PATJ: variants seen among roughly 807,000 people sequenced by gnomAD.
PATJ encodes the protein inaD-like protein.
PATJ carries 190 observed loss-of-function variants against 224.9 expected under a neutral mutation model. The observed-to-expected ratio is 0.84, with a 90% CI of 0.75 to 0.95. The LOEUF (loss-of-function observed/expected upper bound fraction) is 0.95. Among genes scored for constraint, PATJ ranks in the 40% least tolerant of loss-of-function variants. The pLI is 0.00. For missense variants in PATJ, 2,121 were observed against 2,270.3 expected, an observed-to-expected ratio of 0.93 and a Z score of 1.34; for synonymous variants, 769 against 820.3, an observed-to-expected ratio of 0.94 and a Z score of 1.07.
intron 27 of PATJ, among the ~76,000 whole-genome samples, chr1:61,966,558 C>T (rs553716250): frequency 1.2e-4 from 18 of 151,984 alleles, no homozygotes; most frequent in African/African-American, 4.3e-4. Context: ...TGGTGGTGGG[C>T]CCCTGTAACC....
intron 11 of PATJ, among the ~76,000 whole-genome samples, chr1:61,801,158 G>A (rs1240031734): frequency 2.6e-5 from 4 of 152,142 alleles, no homozygotes; most frequent in Middle Eastern, 3.2e-3. Context: ...TCGCCATACT[G>A]TCTTCCACTG....
At chr1:61,759,207 A>AT (rs1245041178) in intron 1 of PATJ, among the ~76,000 whole-genome samples, 3 of 151,706 alleles carry the variant, frequency 2.0e-5, no homozygotes, top group Non-Finnish European at 2.9e-5. Context: ...TTTTTTTGCA[A>AT]TTTTTTTTAA....
intron 31 of PATJ, among the ~76,000 whole-genome samples, chr1:62,059,031 G>A (rs905276750): frequency 3.9e-5 from 6 of 152,066 alleles, no homozygotes; most frequent in Non-Finnish European, 7.4e-5. Context: ...TATGTACTCC[G>A]AGTTTATCTC....
chr1:61,818,230 A>G lies in PATJ; in HGVS notation c.1684-4715A>G, dbSNP rs369037103. ...TTTTGCACTGACAGTAAAGCACACA[A>G]TGGCCATGCTTCCCTTGAATACATT... On this transcript the variant is annotated intron_variant, in intron 14 of 43. Transcript: ENST00000642238. Among the ~76,000 whole-genome samples the G allele has an allele frequency of 7.5e-4, 114 of 152,350 alleles. 1 individual carries two copies. In the Middle Eastern group the frequency reaches 0.01, roughly 14 times the overall value.
At chr1:61,998,205 G>A (rs1160135524) in intron 28 of PATJ, among the ~76,000 whole-genome samples, 2 of 150,444 alleles carry the variant, frequency 1.3e-5, no homozygotes, top group Non-Finnish European at 2.9e-5. Flanking sequence ...TCAGCCTCTC[G>A]ATGAACTGAG....
intron 16 of PATJ, 139 bp downstream of exon 16, chr1:61,827,722 C>A: frequency 1.6e-6 from 1 of 630,200 alleles, no homozygotes; most frequent in Non-Finnish European, 2.5e-6. Flanking sequence ...CAATGCATAG[C>A]TTTTCAAATT....
chr1:61,946,957 A>G (rs1678823367), intron 27 of PATJ, among the ~76,000 whole-genome samples: 1 of 152,228 alleles, frequency 6.6e-6, no homozygotes, highest in African/African-American at 2.4e-5. Flanking sequence ...ACAGAACCAA[A>G]GACAAAAACC....
At chr1:62,092,570 C>T (rs1304642488) in intron 33 of PATJ, among the ~76,000 whole-genome samples, 1 of 151,120 alleles carries the variant, frequency 6.6e-6, no homozygotes, top group Non-Finnish European at 1.5e-5. Context: ...CACCCACCAC[C>T]ACACCCAGCT....
At chr1:61,823,144 A>G in intron 15 of PATJ, 65 bp downstream of exon 15, 3 of 1,531,302 alleles carry the variant, frequency 2.0e-6, no homozygotes, top group Non-Finnish European at 2.7e-6. Context: ...ACGTGTTCTC[A>G]TCACAAATCC....
At chr1:61,932,924 G>A (rs1053182040) in intron 27 of PATJ, among the ~76,000 whole-genome samples, 1 of 152,054 alleles carries the variant, frequency 6.6e-6, no homozygotes, top group African/African-American at 2.4e-5. Context: ...AATAAGCATA[G>A]TAATTATTGT....
chr1:61,790,256 C>T (rs911348414), intron 8 of PATJ, among the ~76,000 whole-genome samples: 5 of 149,032 alleles, frequency 3.4e-5, no homozygotes, highest in East Asian at 1.9e-4. Flanking sequence ...AGTTTTAGGT[C>T]GATATTTTTA....
At chr1:61,833,831 G>C (rs1227882454) in intron 17 of PATJ, 46 bp downstream of exon 17, 1 of 1,555,888 alleles carries the variant, frequency 6.4e-7, no homozygotes, top group Non-Finnish European at 8.7e-7. Flanking sequence ...TGATTGGTTT[G>C]TATTAAAGTT....
chr1:61,826,786 G>A (rs1008610157), intron 15 of PATJ, among the ~76,000 whole-genome samples: 1 of 152,212 alleles, frequency 6.6e-6, no homozygotes, highest in African/African-American at 2.4e-5. Context: ...CTTGATTGCT[G>A]TATCAGCAGA....
At chr1:61,808,058 T>TC (rs1653947399) in intron 13 of PATJ, among the ~76,000 whole-genome samples, 1 of 152,188 alleles carries the variant, frequency 6.6e-6, no homozygotes, top group Non-Finnish European at 1.5e-5. Context: ...TCCAAACACA[T>TC]CTGACTTTAC....
intron 34 of PATJ, among the ~76,000 whole-genome samples, chr1:62,110,462 G>A (rs969943259): frequency 2.0e-5 from 3 of 152,144 alleles, no homozygotes; most frequent in Non-Finnish European, 2.9e-5. Flanking sequence ...TCCGCATTCC[G>A]CAAATTGGCC....
At chr1:62,074,027 G>A (rs2148702042) in intron 31 of PATJ, among the ~76,000 whole-genome samples, 1 of 151,852 alleles carries the variant, frequency 6.6e-6, no homozygotes, top group East Asian at 1.9e-4. Flanking sequence ...TTTCATATCT[G>A]TGTACTAATC....
intron 13 of PATJ, 53 bp downstream of exon 13, chr1:61,805,577 T>G: frequency 9.2e-7 from 1 of 1,089,024 alleles, no homozygotes; most frequent in Non-Finnish European, 1.4e-6. Flanking sequence ...CACATCAAGT[T>G]TCTAACAGTA....
rs1469034385 is a variant in PATJ, at chr1:62,161,786, T to C, written c.*732T>C. 6.6e-6 allele frequency: 1 copy of C among 152,202 alleles called. No homozygotes were observed. The highest frequency in any genetic ancestry group is 2.4e-5 in the African/African-American group (1 of 41,452). 9.4% of individuals were successfully genotyped at this position (152,202 alleles called of 1,614,324 possible). On this transcript the variant is annotated 3_prime_UTR_variant, in exon 44 of 44. Transcript: ENST00000642238. ...ATCTCATCCAATGGACAGAAACAAATGTTAAGCAACTTGTCATCTCACTCA... is the reference window on the plus strand; with the variant it reads ...ATCTCATCCAATGGACAGAAACAAACGTTAAGCAACTTGTCATCTCACTCA...
intron 16 of PATJ, among the ~76,000 whole-genome samples, chr1:61,829,440 C>G (rs1658920456): frequency 6.6e-6 from 1 of 152,164 alleles, no homozygotes; most frequent in African/African-American, 2.4e-5. Flanking sequence ...TCTAATCTTG[C>G]AAGGTGTGTA....
Sources: gnomAD v4.1 joint callset for allele counts (sites outside exome capture counted in the v4.1 genomes callset) on GRCh38, gnomAD v4.1.1 for gene constraint, MANE v1.5 for transcripts, NCBI Gene and HGNC (gene_info 2026-07-23, HGNC 2026-07-21) for gene names.